ABCG2: variants seen among roughly 807,000 people sequenced by gnomAD.
ABCG2 encodes broad substrate specificity ATP-binding cassette transporter ABCG2.
A neutral mutation model predicts 73.5 loss-of-function variants in ABCG2; 80 were observed. The ratio of observed to expected loss-of-function variants is 1.09; its 90% CI spans 0.91 to 1.31. The LOEUF is 1.31. ABCG2 is among the 50% of genes most tolerant of loss of function. The pLI, the probability that ABCG2 is intolerant of heterozygous loss-of-function variation, is 0.00. For synonymous variants in ABCG2, 269 were observed against 282.4 expected, an observed-to-expected ratio of 0.95 and a Z score of 0.48; for missense variants, 796 against 786.2, an observed-to-expected ratio of 1.01 and a Z score of -0.15.
At chr4:88,226,401 G>A (rs1730214045) in intron 1 of ABCG2, among the ~76,000 whole-genome samples, 1 of 152,090 alleles carries the variant, frequency 6.6e-6, no homozygotes, top group African/African-American at 2.4e-5. Context: ...ACTAAACCTG[G>A]GGCAACACCT....
intron 1 of ABCG2, among the ~76,000 whole-genome samples, chr4:88,153,271 C>T (rs569897051): frequency 6.6e-6 from 1 of 151,956 alleles, no homozygotes; most frequent in African/African-American, 2.4e-5. Flanking sequence ...AGGAGTATGA[C>T]TAGACAGAAG....
chr4:88,160,531 A>G (rs1727250198), upstream of ABCG2, among the ~76,000 whole-genome samples: 3 of 152,120 alleles, frequency 2.0e-5, no homozygotes, highest in Admixed American at 1.3e-4. Flanking sequence ...TTCTGTAATT[A>G]TGCAAAGTAA....
intron 1 of ABCG2, among the ~76,000 whole-genome samples, chr4:88,177,356 G>A (rs938185709): frequency 3.3e-5 from 5 of 151,036 alleles, no homozygotes; most frequent in African/African-American, 1.2e-4. Context: ...CTGGGCGACA[G>A]AGCGAGACTC....
intron 1 of ABCG2, among the ~76,000 whole-genome samples, chr4:88,187,079 G>A (rs1728494561): frequency 9.7e-6 from 1 of 103,220 alleles, no homozygotes; most frequent in South Asian, 3.8e-4. Context: ...GGGAGATAGA[G>A]CAAGATTCTG....
At position 88,101,290 on chromosome 4, in the gene ABCG2, T is replaced by A. The variant is rs1348668295; in HGVS notation, c.1307A>T (p.Asn436Ile). ...GGCTGAAACACTGCTGAAACACTGGTTGGTCGTCAGGAAGAAGAGAACCCC... is the reference window on the plus strand; with the variant it reads ...GGCTGAAACACTGCTGAAACACTGGATGGTCGTCAGGAAGAAGAGAACCCC... Reference protein sequence around the residue: ...RAGVLFFLTTNQCFSSVSAVE... With the variant: ...RAGVLFFLTTIQCFSSVSAVE... The change falls in exon 11 of 16, where the codon AAC (asparagine) becomes ATC (isoleucine). Residue 436 changes from asparagine (N) to isoleucine (I), a missense_variant. Asn to Ile is a moderately radical substitution (Grantham distance 149, BLOSUM62 -3). Coordinates refer to ENST00000237612, the MANE Select transcript of ABCG2 (RefSeq NM_004827.3). 6.2e-7 allele frequency: 1 copy of A among 1,614,060 alleles called. No individual in the cohort carries two copies. Among genetic ancestry groups the A allele is most frequent in the East Asian group, 2.2e-5 (1 of 44,870 alleles).
intron 6 of ABCG2, among the ~76,000 whole-genome samples, chr4:88,118,853 T>C (rs1173110303): frequency 6.6e-6 from 1 of 152,194 alleles, no homozygotes; most frequent in Non-Finnish European, 1.5e-5. Context: ...CCTCATTTTA[T>C]AAATATGTCT....
At chr4:88,126,910 T>C (rs1302934321) in intron 5 of ABCG2, among the ~76,000 whole-genome samples, 2 of 152,096 alleles carry the variant, frequency 1.3e-5, no homozygotes, top group Non-Finnish European at 2.9e-5. Flanking sequence ...CAACATAATA[T>C]TGGAAGTTCT....
intron 1 of ABCG2, among the ~76,000 whole-genome samples, chr4:88,179,500 A>G (rs968503409): frequency 6.6e-6 from 1 of 152,222 alleles, no homozygotes; most frequent in African/African-American, 2.4e-5. Context: ...TCAGATGCTG[A>G]TGAACATCCT....
chr4:88,115,103 A>T, intron 7 of ABCG2, 45 bp from the exon 8 acceptor site: 1 of 1,366,414 alleles, frequency 7.3e-7, no homozygotes. Context: ...ATGGTCTTGG[A>T]AAACAAAGAG....
In ABCG2 at chr4:88,177,446, T is replaced by A. The variant is rs189304724; in HGVS notation, c.-19-37432A>T. ...ATTATGATTATATTGTAGAACATAA[T>A]TGAAATATTATAAACATAAATATTT... On this transcript the variant is annotated intron_variant, in intron 1 of 15. Transcript: ENST00000515655. 1.5e-3 allele frequency among the ~76,000 whole-genome samples: 231 copies of A among 152,100 alleles called. 3 individuals are homozygous for A. The highest frequency in any genetic ancestry group is 6.8e-3 in the Middle Eastern group (2 of 292).
At chr4:88,231,495 C>G (rs1578297336), upstream of ABCG2, among the ~76,000 whole-genome samples, 1 of 152,082 alleles carries the variant, frequency 6.6e-6, no homozygotes, top group East Asian at 1.9e-4. Context: ...CTCTTTGTGC[C>G]GCGGAATTCT....
chr4:88,134,305 C>T (rs866991039), intron 2 of ABCG2, among the ~76,000 whole-genome samples: 12 of 152,168 alleles, frequency 7.9e-5, no homozygotes, highest in African/African-American at 2.2e-4. Context: ...TGAACTATCA[C>T]AATTGTACAA....
chr4:88,118,407 T>C lies in ABCG2; in HGVS notation c.690-147A>G, dbSNP rs575311810. 23 of 792,426 alleles carry C rather than the reference T, an allele frequency of 2.9e-5. 1 individual carries two copies. Among genetic ancestry groups the C allele is most frequent in the South Asian group, 1.8e-4 (9 of 50,672 alleles). The allele number at this position is 792,426 out of a possible 1,614,324, so 49.1% of individuals were successfully genotyped here. A position where few individuals can be genotyped will look rare whatever the true frequency, so the allele number is the denominator to read the frequency against. On this transcript the variant is annotated intron_variant, in intron 6 of 15. Transcript: ENST00000237612. ...CTTTTCATCTCATATTATTTAGCTA[T>C]AGTTAGCAAACCTAAATTCAATGCT... is the stretch of plus-strand genomic sequence containing the variant.
intron 4 of ABCG2, among the ~76,000 whole-genome samples, chr4:88,131,565 C>G (rs1370420798): frequency 6.6e-6 from 1 of 152,128 alleles, no homozygotes; most frequent in Non-Finnish European, 1.5e-5. Flanking sequence ...TAGTATGTAT[C>G]ATTTTAGAAA....
At chr4:88,198,484 A>C (rs1729027689) in intron 1 of ABCG2, among the ~76,000 whole-genome samples, 1 of 152,060 alleles carries the variant, frequency 6.6e-6, no homozygotes, top group South Asian at 2.1e-4. Flanking sequence ...ACTACAAAAA[A>C]TACCCAGACA....
At chr4:88,153,046 A>T (rs1465533987) in intron 1 of ABCG2, among the ~76,000 whole-genome samples, 2 of 152,180 alleles carry the variant, frequency 1.3e-5, no homozygotes, top group African/African-American at 4.8e-5. Flanking sequence ...GTATTAAAGG[A>T]CTAAGAATTG....
chr4:88,146,752 C>G (rs908080661), intron 1 of ABCG2, among the ~76,000 whole-genome samples: 5 of 151,910 alleles, frequency 3.3e-5, no homozygotes, highest in Admixed American at 1.3e-4. Flanking sequence ...ACCTGTGATC[C>G]CACCTACTGG....
intron 1 of ABCG2, among the ~76,000 whole-genome samples, chr4:88,214,434 C>T (rs991037693): frequency 3.9e-5 from 6 of 152,110 alleles, no homozygotes; most frequent in South Asian, 2.1e-4. Flanking sequence ...CCAATCAGAA[C>T]GATGAGACAC....
intron 1 of ABCG2, among the ~76,000 whole-genome samples, chr4:88,216,126 T>C (rs1186242515): frequency 6.6e-6 from 1 of 152,222 alleles, no homozygotes; most frequent in Non-Finnish European, 1.5e-5. Context: ...TGTTAAAGAC[T>C]GTGCTGAAGG....
Sources: gnomAD v4.1 joint callset for allele counts (sites outside exome capture counted in the v4.1 genomes callset) on GRCh38, gnomAD v4.1.1 for gene constraint, MANE v1.5 for transcripts, NCBI Gene and HGNC (gene_info 2026-07-23, HGNC 2026-07-21) for gene names.